Variants in CPAMD8 observed in about 807,000 individuals in gnomAD.
CPAMD8 encodes the protein C3 and PZP-like alpha-2-macroglobulin domain-containing protein 8.
In CPAMD8, 146 loss-of-function variants were observed where a neutral mutation model predicts 224.7. The observed-to-expected ratio is 0.65, with a 90% confidence interval of 0.57 to 0.75. The LOEUF (loss-of-function observed/expected upper bound fraction) is 0.75. Among genes scored for constraint, CPAMD8 ranks in the 30% least tolerant of loss-of-function variants. CPAMD8 has a pLI of 0.00. For synonymous variants in CPAMD8, 966 were observed against 1,044.6 expected (o/e 0.92, Z 1.45); for missense variants, 2,301 against 2,537.5 (o/e 0.91, Z 2.00).
chr19:17,017,318 G>A (rs76924186), intron 3 of CPAMD8, among the ~76,000 whole-genome samples: 8 of 152,088 alleles, frequency 5.3e-5, no homozygotes, highest in Admixed American at 2.6e-4. Context: ...TCATTATTTC[G>A]TTATATATTA....
In CPAMD8 at chr19:16,898,565, GT is replaced by G. The variant is rs2052126727; in HGVS notation, c.4849-572del. On this transcript the variant is annotated intron_variant, in intron 37 of 41. Transcript: ENST00000443236. This position sits in a 1 kb window ranked among gnomAD's most constrained non-coding sequence, Gnocchi z 4.2. ...ATCACCTCTGTCTAGTTACAGAACG[GT>G]TTCTTTCTCCCCCAAAGAAACCCCA... Among the ~76,000 whole-genome samples the G allele has an allele frequency of 6.6e-6, 1 of 151,960 alleles. No individual in the cohort carries two copies. Among genetic ancestry groups the G allele is most frequent in the South Asian group, 2.1e-4 (1 of 4,820 alleles).
Position 17,026,535 on chromosome 19 carries a change from G to T in CPAMD8, c.92+16C>A. 1 of 1,491,124 alleles carries T rather than the reference G, an allele frequency of 6.7e-7. No homozygotes were observed. The highest frequency in any genetic ancestry group is 2.3e-5 in the Admixed American group (1 of 43,098). The allele number at this position is 1,491,124 out of a possible 1,614,324, so 92.4% of individuals were successfully genotyped here. A position where few individuals can be genotyped will look rare whatever the true frequency, so the allele number is the denominator to read the frequency against. On this transcript the variant is annotated intron_variant, in intron 1 of 41. Transcript: ENST00000443236. ...CAGAAGGCGACCGACCTCCTCTGTCGCCGGAGGATACTCACGGGGCCTGAG... is the reference window on the plus strand; with the variant it reads ...CAGAAGGCGACCGACCTCCTCTGTCTCCGGAGGATACTCACGGGGCCTGAG...
intron 9 of CPAMD8, among the ~76,000 whole-genome samples, chr19:17,001,449 T>TG (rs1415307608): frequency 3.7e-3 from 89 of 24,344 alleles, no homozygotes; most frequent in African/African-American, 0.018. Flanking sequence ...GGGAACATGG[T>TG]GGGGTTGGGA....
rs894986482 is a variant in CPAMD8, at chr19:16,899,656, C to G, written c.4774-107G>C. The G allele has an allele frequency of 1.4e-6, 1 of 697,656 alleles. No individual in the cohort carries two copies. Among genetic ancestry groups the G allele is most frequent in the African/African-American group, 1.7e-5 (1 of 57,564 alleles). The allele number at this position is 697,656 out of a possible 1,614,324, so 43.2% of individuals were successfully genotyped here. A position where few individuals can be genotyped will look rare whatever the true frequency, so the allele number is the denominator to read the frequency against. ...ATGCTTGGACTTGCCCACAAGTTAC[C>G]ATGGGCTGGGGTCTGGGTGCTGGTC... is the stretch of plus-strand genomic sequence containing the variant. On this transcript the variant is annotated intron_variant, in intron 36 of 41. Transcript: ENST00000443236. This position sits in a 1 kb window ranked among gnomAD's most constrained non-coding sequence, Gnocchi z 5.4.
rs183588370 is a variant in CPAMD8, at chr19:17,015,838, C to T, written c.268-4081G>A. Among the ~76,000 whole-genome samples, 105 of 152,278 alleles carry T rather than the reference C, an allele frequency of 6.9e-4. 1 individual carries two copies. Among genetic ancestry groups the T allele is most frequent in the Non-Finnish European group, 1.1e-3 (73 of 68,020 alleles). On this transcript the variant is annotated intron_variant, in intron 3 of 41. Transcript: ENST00000443236. ...GGAGGCTGGCGGGCAAGAGACTATG[C>T]TGAGCACATAAAGGGGGCCGACCCC...
At chr19:16,920,995 G>A (rs886173128) in intron 27 of CPAMD8, among the ~76,000 whole-genome samples, 2 of 152,060 alleles carry the variant, frequency 1.3e-5, no homozygotes, top group African/African-American at 2.4e-5. Context: ...TGGGGTGGGC[G>A]GGGCCTCTGC....
intron 13 of CPAMD8, among the ~76,000 whole-genome samples, chr19:16,985,679 T>C (rs1320074714): frequency 1.4e-5 from 2 of 144,996 alleles, no homozygotes; most frequent in Non-Finnish European, 3.0e-5. Flanking sequence ...GGAGGATGGA[T>C]GGATGGATGA....
chr19:16,980,438 T>A, intron 14 of CPAMD8, 59 bp downstream of exon 14: 1 of 1,530,684 alleles, frequency 6.5e-7, no homozygotes, highest in Non-Finnish European at 8.9e-7. Flanking sequence ...GGAGCACCCA[T>A]CTCAGTCTCA....
In CPAMD8 at chr19:16,970,949, CG is replaced by C. The variant is rs1568544035; in HGVS notation, c.2154del (p.Ala719LeufsTer51). 1 of 1,613,766 alleles carries C rather than the reference CG, an allele frequency of 6.2e-7. No individual in the cohort carries two copies. Among genetic ancestry groups the C allele is most frequent in the South Asian group, 1.1e-5 (1 of 91,024 alleles). On this transcript the variant is annotated frameshift_variant, in exon 18 of 42. Coordinates refer to ENST00000443236, the MANE Select transcript of CPAMD8 (RefSeq NM_015692.5). LOFTEE classifies it high-confidence loss of function. ...AGGCTCCCTGTGTGGGGCTGGAAAG[CG>C]GGGACAGCCTCATCGGTGTAGAGGC... is the stretch of plus-strand genomic sequence containing the variant. Reference protein sequence around the residue: ...DGGLYTDEAVPAFQPHTGSLV... With the variant: ...DGGLYTDEAVXAFQPHTGSLV...
chr19:16,931,352 T>C (rs73525450), intron 23 of CPAMD8, among the ~76,000 whole-genome samples: 13,149 of 152,156 alleles, frequency 0.086, 1,688 homozygotes, highest in African/African-American at 0.28. Flanking sequence ...CTCCTAGGCA[T>C]CTGAGGTCAG....
intron 16 of CPAMD8, 92 bp downstream of exon 16, chr19:16,975,910 T>G: frequency 3.8e-6 from 5 of 1,300,880 alleles, no homozygotes; most frequent in Non-Finnish European, 5.1e-6. Context: ...AATGCCACTC[T>G]TCATTTATTG....
In CPAMD8 at chr19:16,976,171, G is replaced by A. The variant is rs770513772; in HGVS notation, c.1759-20C>T. 1 of 1,602,364 alleles carries A rather than the reference G, an allele frequency of 6.2e-7. No individual in the cohort carries two copies. The highest frequency in any genetic ancestry group is 2.3e-5 in the East Asian group (1 of 44,442). ...TGAAACCTTGGCGCAAATGCAGCAA[G>A]GGATAAGAAACTTGGTTCAGTTGGC... is the stretch of plus-strand genomic sequence containing the variant. On this transcript the variant is annotated intron_variant, in intron 15 of 41. Transcript: ENST00000443236.
intron 22 of CPAMD8, among the ~76,000 whole-genome samples, chr19:16,941,367 A>ATC (rs57661545): frequency 0.27 from 41,441 of 152,132 alleles, 5,712 homozygotes; most frequent in African/African-American, 0.3. Flanking sequence ...GCAAGCACGT[A>ATC]TCTATGCTGC....
At chr19:16,915,353 A>G (rs2052908424) in intron 27 of CPAMD8, among the ~76,000 whole-genome samples, 1 of 151,948 alleles carries the variant, frequency 6.6e-6, no homozygotes, top group Non-Finnish European at 1.5e-5. Context: ...TTTTGCCACC[A>G]TGAGGGGTGC....
chr19:17,023,903 C>T (rs556424340), intron 1 of CPAMD8, among the ~76,000 whole-genome samples: 2 of 152,252 alleles, frequency 1.3e-5, no homozygotes, highest in Non-Finnish European at 2.9e-5. Flanking sequence ...AACAACCCAA[C>T]ATCCACATGC....
At chr19:16,977,763 C>A (rs1289973410) in intron 14 of CPAMD8, among the ~76,000 whole-genome samples, 1 of 152,192 alleles carries the variant, frequency 6.6e-6, no homozygotes, top group Non-Finnish European at 1.5e-5. Flanking sequence ...TCCTACAGAG[C>A]AGGCTGGAAT....
intron 18 of CPAMD8, among the ~76,000 whole-genome samples, chr19:16,964,213 G>C (rs2054747925): frequency 6.6e-6 from 1 of 152,074 alleles, no homozygotes; most frequent in South Asian, 2.1e-4. Context: ...AAGAGACAGA[G>C]ACACAAAAAC....
Position 16,990,525 on chromosome 19 carries a change from C to A in CPAMD8, c.1267-754G>T, listed in dbSNP as rs374882543. 2.6e-3 allele frequency among the ~76,000 whole-genome samples: 395 copies of A among 152,154 alleles called. 4 individuals carry two copies. The highest frequency in any genetic ancestry group is 0.024 in the South Asian group (115 of 4,820). On this transcript the variant is annotated intron_variant, in intron 12 of 41. Transcript: ENST00000443236. ...ATTTAGCTATGATCACACCATTGCA[C>A]TCCAGCCTGGACAACAGAGCTAGAC...
At position 16,899,055 on chromosome 19, in the gene CPAMD8, G is replaced by A. The variant is rs1276563430; in HGVS notation, c.4848+420C>T. Among the ~76,000 whole-genome samples the A allele has an allele frequency of 6.6e-6, 1 of 152,060 alleles. No individual in the cohort carries two copies. Among genetic ancestry groups the A allele is most frequent in the Non-Finnish European group, 1.5e-5 (1 of 68,028 alleles). ...CCTGCCTCAGCCTCCCAAATAGCTG[G>A]GATTACAGTAGCGTGCCATCACACC... On this transcript the variant is annotated intron_variant, in intron 37 of 41. Coordinates refer to ENST00000443236, the MANE Select transcript of CPAMD8 (RefSeq NM_015692.5). This position sits in a 1 kb window ranked among gnomAD's most constrained non-coding sequence, Gnocchi z 5.4.
Sources: allele counts gnomAD v4.1 joint callset (sites outside exome capture counted in the v4.1 genomes callset), GRCh38; gene constraint gnomAD v4.1.1; non-coding constraint Gnocchi (gnomAD v3.1); transcripts MANE v1.5; gene names NCBI Gene and HGNC (gene_info 2026-07-23, HGNC 2026-07-21).